XPA: variants seen among roughly 807,000 people sequenced by gnomAD.
The protein encoded by XPA is XPA, DNA damage recognition and repair factor.
Under a neutral mutation model 35.7 loss-of-function variants are expected in XPA, and 27 were observed. The observed-to-expected ratio is 0.76, with a 90% CI of 0.56 to 1.04. The LOEUF (loss-of-function observed/expected upper bound fraction) is 1.04, where lower values mean the gene tolerates loss of function less well. XPA is among the 50% of genes least tolerant of loss of function. The probability of loss-of-function intolerance (pLI) is 0.00; values close to 1 mark genes in which losing one functional copy is unlikely to be tolerated. For synonymous variants in XPA, 133 were observed against 118.4 expected, an observed-to-expected ratio of 1.12 and a Z score of -0.80; for missense variants, 354 against 342.7, an observed-to-expected ratio of 1.03 and a Z score of -0.26.
chr9:97,670,944 G>T (rs555493592), downstream of XPA: 3 of 485,856 alleles, frequency 6.2e-6, no homozygotes, highest in Non-Finnish European at 1.1e-5. Flanking sequence ...ATTTTCAGGG[G>T]TCCATTGTTC....
chr9:97,670,786 G>A (rs573447332), downstream of XPA, among the ~76,000 whole-genome samples: 4 of 152,310 alleles, frequency 2.6e-5, no homozygotes, highest in East Asian at 1.9e-4. Context: ...AGCCTAGTCC[G>A]TAATAGTACT....
chr9:97,655,095 C>G, the XPA span: 1 of 539,018 alleles, frequency 1.9e-6, no homozygotes, highest in Admixed American at 3.8e-5. Flanking sequence ...CAGACTCATA[C>G]TTAATGTAAC....
At chr9:97,673,977 G>A (rs1828274653), downstream of XPA, among the ~76,000 whole-genome samples, 1 of 152,150 alleles carries the variant, frequency 6.6e-6, no homozygotes, top group African/African-American at 2.4e-5. Flanking sequence ...GTTATTATGT[G>A]CCAGGTGCTA....
chr9:97,689,197 G>A (rs1828808237), intron 3 of XPA, among the ~76,000 whole-genome samples: 1 of 152,026 alleles, frequency 6.6e-6, no homozygotes. Context: ...AAGAAATAGA[G>A]GGATCATTAG....
At position 97,675,350 on chromosome 9, in the gene XPA, GCTTT is replaced by G. The variant is rs767771765; in HGVS notation, c.*85_*88del. Reference sequence around the variant, plus strand: ...GGTTTCATTCATCTATGAAGATGTTGCTTTTTTTTTTGAATTTTGAAAAGGACCA... The same window carrying G: ...GGTTTCATTCATCTATGAAGATGTTGTTTTTTTGAATTTTGAAAAGGACCA... On this transcript the variant is annotated 3_prime_UTR_variant, in exon 6 of 6. Transcript: ENST00000375128. 15 of 1,297,780 alleles carry G rather than the reference GCTTT, an allele frequency of 1.2e-5. No individual in the cohort carries two copies. The highest frequency in any genetic ancestry group is 1.6e-5 in the Non-Finnish European group (15 of 941,550). The allele number at this position is 1,297,780 out of a possible 1,614,324, so 80.4% of individuals were successfully genotyped here.
intron 4 of XPA, among the ~76,000 whole-genome samples, chr9:97,686,835 C>T (rs1169229480): frequency 1.3e-5 from 2 of 151,994 alleles, no homozygotes; most frequent in Non-Finnish European, 2.9e-5. Context: ...CCCGGGAGGT[C>T]AAGGCTGCAG....
the XPA span, chr9:97,658,573 A>G: frequency 1.7e-6 from 2 of 1,180,366 alleles, no homozygotes; most frequent in Non-Finnish European, 2.5e-6. Flanking sequence ...CTTTCCAGGT[A>G]AGTCGGGTGT....
intron 5 of XPA, among the ~76,000 whole-genome samples, chr9:97,681,832 G>C (rs552657231): frequency 6.6e-6 from 1 of 152,150 alleles, no homozygotes; most frequent in Non-Finnish European, 1.5e-5. Flanking sequence ...ATCCTTCAAG[G>C]CTCTCCTTGC....
At chr9:97,673,628 G>A (rs905961430), downstream of XPA, 1 of 152,206 alleles carries the variant, frequency 6.6e-6, no homozygotes, top group Non-Finnish European at 1.5e-5. Context: ...TTCAACAGTT[G>A]CTGTCCCCAG....
chr9:97,655,879 A>T, the XPA span: 1 of 1,314,712 alleles, frequency 7.6e-7, no homozygotes, highest in Non-Finnish European at 1.1e-6. Flanking sequence ...GTAGTTAAGT[A>T]CAAATAGTTA....
chr9:97,663,071 G>C, the XPA span: 7 of 1,533,466 alleles, frequency 4.6e-6, no homozygotes, highest in South Asian at 8.0e-5. Flanking sequence ...AATTAGACAT[G>C]TTGAAGCTCT....
At chr9:97,663,145 T>G in the XPA span, 2 of 900,838 alleles carry the variant, frequency 2.2e-6, no homozygotes, top group Admixed American at 2.5e-5. Context: ...ACATGAAATT[T>G]GACTCTGCCT....
At chr9:97,694,401 A>G (rs2131407124) in intron 1 of XPA, among the ~76,000 whole-genome samples, 1 of 152,388 alleles carries the variant, frequency 6.6e-6, no homozygotes, top group South Asian at 2.1e-4. Context: ...CAGAATACAT[A>G]ATAAAATCCT....
chr9:97,694,902 G>A (rs1336029923), intron 1 of XPA, among the ~76,000 whole-genome samples: 1 of 152,130 alleles, frequency 6.6e-6, no homozygotes, highest in African/African-American at 2.4e-5. Flanking sequence ...TAATACAAAA[G>A]AATCTATACA....
intron 4 of XPA, among the ~76,000 whole-genome samples, chr9:97,686,083 G>T (rs1489315924): frequency 3.3e-5 from 5 of 152,138 alleles, no homozygotes; most frequent in African/African-American, 1.2e-4. Context: ...CTAATCAACA[G>T]AATCTTAGTA....
chr9:97,657,885 G>GCTCTCTCTCT, the XPA span, among the ~76,000 whole-genome samples: 162 of 113,922 alleles, frequency 1.4e-3, 1 homozygote, highest in African/African-American at 5.8e-3. Flanking sequence ...GCCCCGGTAA[G>GCTCTCTCTCT]CTCTCTCTCT....
At chr9:97,671,238 C>T (rs770971060), downstream of XPA, 1 of 1,388,002 alleles carries the variant, frequency 7.2e-7, no homozygotes, top group Non-Finnish European at 1.0e-6. Context: ...TTTTTGATAT[C>T]TTAAAATAAT....
chr9:97,656,307 C>T, the XPA span, among the ~76,000 whole-genome samples: 2 of 152,344 alleles, frequency 1.3e-5, no homozygotes, highest in Non-Finnish European at 2.9e-5. Flanking sequence ...ACAGGCCGGG[C>T]GCAGTGGCTC....
intron 2 of XPA, among the ~76,000 whole-genome samples, chr9:97,691,244 A>G (rs1391688010): frequency 6.6e-6 from 1 of 152,216 alleles, no homozygotes; most frequent in Non-Finnish European, 1.5e-5. Flanking sequence ...CACCTTGTGG[A>G]TTATAAACTC....
Sources: gnomAD v4.1 joint callset for allele counts (sites outside exome capture counted in the v4.1 genomes callset) on GRCh38, gnomAD v4.1.1 for gene constraint, MANE v1.5 for transcripts, NCBI Gene and HGNC (gene_info 2026-07-23, HGNC 2026-07-21) for gene names.